Variants in SOX5 observed in about 807,000 individuals in gnomAD.
SOX5 encodes the protein SRY-box transcription factor 5, also known as transcription factor SOX-5.
Under a neutral mutation model 92.0 loss-of-function variants are expected in SOX5, and 9 were observed. The ratio of observed to expected loss-of-function variants is 0.10; its 90% CI spans 0.06 to 0.17. The LOEUF is 0.17. Ranked by LOEUF, SOX5 falls within the 10% of genes least tolerant of loss-of-function variation. SOX5 has a pLI of 1.00. For synonymous variants in SOX5, 344 were observed against 336.3 expected (o/e 1.02, Z -0.25); for missense variants, 642 against 944.5 (o/e 0.68, Z 4.20).
chr12:24,239,558 G>A (rs1342798416), intron 3 of SOX5, among the ~76,000 whole-genome samples: 1 of 152,116 alleles, frequency 6.6e-6, no homozygotes. Flanking sequence ...TAAGCACAAC[G>A]TGTGACCAGG....
intron 4 of SOX5, among the ~76,000 whole-genome samples, chr12:23,741,593 G>T (rs2093798885): frequency 6.6e-6 from 1 of 152,042 alleles, no homozygotes; most frequent in Admixed American, 6.6e-5. Context: ...TAAAAAAAAA[G>T]TTGAAGATTC....
At chr12:24,277,488 GTAAATTTACATTTAAATATATAAATA>G (rs1944597131) in intron 2 of SOX5, among the ~76,000 whole-genome samples, 1 of 91,990 alleles carries the variant, frequency 1.1e-5, no homozygotes, top group Admixed American at 1.1e-4. Context: ...AAATATATAT[GTAAATTTACATTTAAATATATAAATA>G]TATATTTATA....
rs139262973 is a variant in SOX5 at position 23,746,884 on chromosome 12, T to G, written c.569-5845A>C. 5.1e-3 allele frequency among the ~76,000 whole-genome samples: 780 copies of G among 152,200 alleles called. 7 individuals are homozygous for G. The highest frequency in any genetic ancestry group is 0.019 in the South Asian group (92 of 4,820). On this transcript the variant is annotated intron_variant, in intron 4 of 14. Transcript: ENST00000451604. ...TGGGGGTGGGTCTTTCCCGTGCTAT[T>G]CTCGTGATAGTGAATAATTCTCACA...
chr12:23,689,878 C>G (rs148297581), intron 6 of SOX5, among the ~76,000 whole-genome samples: 1 of 152,106 alleles, frequency 6.6e-6, no homozygotes, highest in African/African-American at 2.4e-5. Flanking sequence ...ACATTTAAGA[C>G]GCATTGCTGG....
Position 24,523,659 on chromosome 12 carries a change from A to G in SOX5, c.-251+38670T>C, listed in dbSNP as rs995724112. ...TGAGGAAGGAATAGTCTCTTCAGAA[A>G]AATCGTGCTGGGAAAACTGGATATT... On this transcript the variant is annotated intron_variant, in intron 1 of 4. Transcript: ENST00000446891. Among the ~76,000 whole-genome samples the G allele has an allele frequency of 8.5e-5, 13 of 152,196 alleles. 1 individual carries two copies. Among genetic ancestry groups the G allele is most frequent in the African/African-American group, 2.9e-4 (12 of 41,458 alleles).
At chr12:24,200,149 A>G (rs973216477) in intron 4 of SOX5, among the ~76,000 whole-genome samples, 9 of 152,230 alleles carry the variant, frequency 5.9e-5, no homozygotes, top group African/African-American at 2.2e-4. Flanking sequence ...ATAAGGCACT[A>G]TGCCATAGTG....
chr12:23,807,249 T>C (rs1446212599), intron 3 of SOX5, among the ~76,000 whole-genome samples: 3 of 152,194 alleles, frequency 2.0e-5, no homozygotes, highest in African/African-American at 7.2e-5. Flanking sequence ...TCGATCTGTG[T>C]CCCTCGAAGG....
intron 2 of SOX5, among the ~76,000 whole-genome samples, chr12:24,320,928 G>A (rs963896059): frequency 1.3e-5 from 2 of 151,866 alleles, no homozygotes; most frequent in African/African-American, 4.8e-5. Flanking sequence ...GATGTATTAA[G>A]AAGTCGTGAA....
intron 3 of SOX5, among the ~76,000 whole-genome samples, chr12:24,213,699 A>C (rs574457020): frequency 6.6e-5 from 10 of 151,960 alleles, no homozygotes; most frequent in Non-Finnish European, 1.3e-4. Context: ...TCAATGAAAA[A>C]CTAAACAATT....
chr12:23,669,829 C>T lies in SOX5; in HGVS notation c.811-4265G>A, dbSNP rs367774239. 2.6e-5 allele frequency among the ~76,000 whole-genome samples: 4 copies of T among 152,168 alleles called. No homozygotes were observed. In the East Asian group the frequency reaches 5.8e-4, roughly 22 times the overall value. ...GTGATGGCTACGGTTTTGGATATGACGTGGCTGAGGTGGCTGAATGATGTT... is the reference window on the plus strand; with the variant it reads ...GTGATGGCTACGGTTTTGGATATGATGTGGCTGAGGTGGCTGAATGATGTT... On this transcript the variant is annotated intron_variant, in intron 6 of 14. Coordinates refer to ENST00000451604, the MANE Select transcript of SOX5 (RefSeq NM_006940.6).
At position 24,326,620 on chromosome 12, in the gene SOX5, G is replaced by A. The variant is rs76904035; in HGVS notation, c.-174+41943C>T. On this transcript the variant is annotated intron_variant, in intron 2 of 4. Coordinates refer to the SOX5 transcript ENST00000446891. ...TCCCACTCAGGGTTTTGCAACTGGT[G>A]TGACCTCTACCTTGAATGTTCATCT... Among the ~76,000 whole-genome samples, 859 of 152,244 alleles carry A rather than the reference G, an allele frequency of 5.6e-3. 7 individuals are homozygous for A. Among genetic ancestry groups the A allele is most frequent in the African/African-American group, 0.019 (785 of 41,520 alleles).
At chr12:24,239,432 C>T (rs2686332) in intron 3 of SOX5, among the ~76,000 whole-genome samples, 34,116 of 152,038 alleles carry the variant, frequency 0.22, 4,694 homozygotes, top group Non-Finnish European at 0.3. Context: ...CTGCATATTC[C>T]GATATTTTTT....
intron 2 of SOX5, 140 bp from the exon 3 acceptor site, chr12:23,846,333 G>T (rs188690338): frequency 4.5e-6 from 3 of 663,438 alleles, no homozygotes; most frequent in African/African-American, 3.6e-5. Flanking sequence ...TGGTTATATG[G>T]CTTATTCAGC....
At chr12:24,556,821 C>G (rs141775606) in intron 1 of SOX5, among the ~76,000 whole-genome samples, 3 of 152,272 alleles carry the variant, frequency 2.0e-5, no homozygotes, top group Admixed American at 1.3e-4. Flanking sequence ...CATATACAGA[C>G]CACTGAATCA....
chr12:24,475,972 A>T (rs540117980), intron 1 of SOX5, among the ~76,000 whole-genome samples: 28 of 148,960 alleles, frequency 1.9e-4, no homozygotes, highest in Non-Finnish European at 3.6e-4. Context: ...ACAGAGCAAG[A>T]CCCTGTCTCC....
chr12:24,457,476 T>C (rs776694010), intron 1 of SOX5, among the ~76,000 whole-genome samples: 2 of 152,196 alleles, frequency 1.3e-5, no homozygotes, highest in Non-Finnish European at 2.9e-5. Flanking sequence ...TTTAAGAGAT[T>C]AGCATTTCTT....
At chr12:24,308,914 A>G (rs1478669294) in intron 2 of SOX5, among the ~76,000 whole-genome samples, 1 of 152,118 alleles carries the variant, frequency 6.6e-6, no homozygotes, top group Non-Finnish European at 1.5e-5. Flanking sequence ...ACAGAAAAGT[A>G]TTATTGGATT....
intron 7 of SOX5, among the ~76,000 whole-genome samples, chr12:23,655,339 A>G (rs2082175973): frequency 6.6e-6 from 1 of 152,116 alleles, no homozygotes; most frequent in Non-Finnish European, 1.5e-5. Flanking sequence ...GCTGCTTAAC[A>G]AGAATCATGA....
intron 9 of SOX5, among the ~76,000 whole-genome samples, chr12:23,600,773 T>A (rs894280762): frequency 6.6e-6 from 1 of 151,704 alleles, no homozygotes; most frequent in African/African-American, 2.4e-5. Context: ...AGTGTGCCGT[T>A]TTCAGAGGTT....
Sources: allele counts gnomAD v4.1 joint callset (sites outside exome capture counted in the v4.1 genomes callset), GRCh38; gene constraint gnomAD v4.1.1; transcripts MANE v1.5; gene names NCBI Gene and HGNC (gene_info 2026-07-23, HGNC 2026-07-21).